Variants in BRWD3 observed in about 807,000 individuals in gnomAD.
BRWD3 encodes the protein bromodomain and WD repeat-containing protein 3.
BRWD3 carries 10 observed loss-of-function variants against 149.7 expected under a neutral mutation model. That is an observed-to-expected ratio of 0.07 (90% CI 0.04 to 0.11). The LOEUF is 0.11. Among genes scored for constraint, BRWD3 ranks in the 10% least tolerant of loss-of-function variants. The probability of loss-of-function intolerance (pLI) is 1.00; values close to 1 mark genes in which losing one functional copy is unlikely to be tolerated. For synonymous variants in BRWD3, 504 were observed against 456.7 expected (o/e 1.10, Z -1.32); for missense variants, 940 against 1,373.2 (o/e 0.68, Z 4.99).
chrX:80,729,817 A>C, intron 13 of BRWD3, 99 bp downstream of exon 13: 1 of 623,964 alleles, frequency 1.6e-6, no homozygotes, highest in Non-Finnish European at 2.6e-6. Context: ...AATTAACTTC[A>C]AACTATTTAT....
chrX:80,755,512 T>C (rs1345290555), intron 6 of BRWD3, among the ~76,000 whole-genome samples: 1 of 111,839 alleles, frequency 8.9e-6, no homozygotes, highest in Non-Finnish European at 1.9e-5. Context: ...TACTTGAAAC[T>C]GATATACACC....
At position 80,760,576 on chromosome X, in the gene BRWD3, C is replaced by T. The variant is rs767722492; in HGVS notation, c.431-14847G>A. ...GTCTAATGTGCACTGGAATATTATT[C>T]ACATATTTAAATTGCTTTGCTTCAA... On this transcript the variant is annotated intron_variant, in intron 6 of 40. Coordinates refer to ENST00000373275, the MANE Select transcript of BRWD3 (RefSeq NM_153252.5). 1.4e-4 allele frequency among the ~76,000 whole-genome samples: 16 copies of T among 111,624 alleles called. 1 individual carries two copies. In the East Asian group the frequency reaches 1.7e-3, roughly 12 times the overall value.
chrX:80,761,107 A>G (rs780880886), intron 6 of BRWD3, among the ~76,000 whole-genome samples: 3 of 111,462 alleles, frequency 2.7e-5, no homozygotes, highest in South Asian at 7.5e-4. Context: ...TAAACCAAAG[A>G]AAAAAAAGAC....
intron 33 of BRWD3, 65 bp downstream of exon 33, chrX:80,689,703 C>T: frequency 1.0e-6 from 1 of 972,627 alleles, no homozygotes; most frequent in Non-Finnish European, 1.5e-6. Context: ...AACATTTACA[C>T]ATAATACTGT....
chrX:80,785,992 G>A (rs1220721361), intron 6 of BRWD3, among the ~76,000 whole-genome samples: 4 of 111,943 alleles, frequency 3.6e-5, no homozygotes, highest in Non-Finnish European at 3.8e-5. Context: ...TAGTGCCACT[G>A]CACTCCAGCC....
chrX:80,683,895 G>A (rs1317130034), intron 37 of BRWD3, 115 bp downstream of exon 37: 6 of 702,286 alleles, frequency 8.5e-6, no homozygotes, highest in African/African-American at 2.2e-5. Flanking sequence ...ACTGCTAAAT[G>A]TATCTTTATG....
chrX:80,685,389 G>T, intron 36 of BRWD3, 73 bp downstream of exon 36: 1 of 922,701 alleles, frequency 1.1e-6, no homozygotes, highest in Non-Finnish European at 1.6e-6. Flanking sequence ...CAAACTATAA[G>T]ATTCATGTAC....
intron 17 of BRWD3, among the ~76,000 whole-genome samples, chrX:80,721,315 C>A (rs147941911): frequency 9.5e-4 from 106 of 111,850 alleles, no homozygotes; most frequent in African/African-American, 3.3e-3. Flanking sequence ...TTATTCATTT[C>A]TTTTCAAGTT....
At position 80,704,721 on chromosome X, in the gene BRWD3, G is replaced by C; in HGVS notation, c.2678C>G (p.Ser893Cys). 1 of 1,210,991 alleles carries C rather than the reference G, an allele frequency of 8.3e-7. No homozygotes were observed. The highest frequency in any genetic ancestry group is 2.3e-4 in the Middle Eastern group (1 of 4,351). Residue 893 changes from serine to cysteine, a missense_variant, in exon 23 of 41, where the codon TCC (serine) becomes TGC (cysteine). Ser to Cys is a moderately radical substitution (Grantham distance 112). Coordinates refer to ENST00000373275, the MANE Select transcript of BRWD3 (RefSeq NM_153252.5). ...AGGTTTCTTCTGCCTTTCTTCTAGG[G>C]ACTTCAAATTTTCCTCATCAGAGCT... Reference protein sequence around the residue: ...CSSSDEENLKSLEERQKKPKQ... With the variant: ...CSSSDEENLKCLEERQKKPKQ...
At chrX:80,758,876 C>G (rs2073773148) in intron 6 of BRWD3, among the ~76,000 whole-genome samples, 1 of 111,906 alleles carries the variant, frequency 8.9e-6, no homozygotes, top group African/African-American at 3.2e-5. Flanking sequence ...CTTAAGTTTT[C>G]TTTTGACATG....
chrX:80,712,098 C>T (rs906023714), intron 20 of BRWD3, among the ~76,000 whole-genome samples: 2 of 111,677 alleles, frequency 1.8e-5, no homozygotes, highest in Non-Finnish European at 3.8e-5. Flanking sequence ...TCCAACCCCC[C>T]ACCTCTGAAA....
intron 6 of BRWD3, among the ~76,000 whole-genome samples, chrX:80,749,656 G>A (rs147979636): frequency 0.026 from 2,884 of 110,385 alleles, 45 homozygotes; most frequent in Non-Finnish European, 0.038. Flanking sequence ...TGTCAAAAAT[G>A]TCCATTCTAC....
chrX:80,717,541 AT>A (rs1569258818), intron 19 of BRWD3, 31 bp downstream of exon 19: 2 of 1,175,400 alleles, frequency 1.7e-6, no homozygotes, highest in Admixed American at 2.2e-5. Context: ...AAAGCTTTAA[AT>A]TTTTTTCTAA....
Position 80,691,093 on chromosome X carries a change from G to A in BRWD3, c.3562C>T (p.Leu1188Phe). The change falls in exon 31 of 41, where the codon CTC (leucine) becomes TTC (phenylalanine). Residue 1188 changes from leucine (L) to phenylalanine (F), a missense_variant. Leu to Phe is a conservative substitution (Grantham distance 22). Coordinates refer to ENST00000373275, the MANE Select transcript of BRWD3 (RefSeq NM_153252.5). The part of the protein sequence containing the change: ...YCTVVAYPTD[L>F]NTIRRRLENR... ...TCAAGTCTCCGCCTGATGGTATTGA[G>A]GTCAGTTGGATAAGCAACTACAGTA... 3.3e-6 allele frequency: 4 copies of A among 1,209,447 alleles called. No homozygotes were observed. The highest frequency in any genetic ancestry group is 1.8e-5 in the South Asian group (1 of 56,872).
At chrX:80,696,134 A>G (rs1787216445) in intron 26 of BRWD3, 144 bp from the exon 27 acceptor site, 5 of 499,711 alleles carry the variant, frequency 1.0e-5, no homozygotes, top group Non-Finnish European at 1.7e-5. Flanking sequence ...TTACTTAAAC[A>G]TCACCTTCTC....
intron 6 of BRWD3, among the ~76,000 whole-genome samples, chrX:80,751,040 A>T (rs1350661227): frequency 8.1e-5 from 9 of 111,356 alleles, no homozygotes; most frequent in African/African-American, 2.9e-4. Context: ...TGTAGAAGCT[A>T]AAAAAGTTGA....
Position 80,767,232 on chromosome X carries a change from G to A in BRWD3, c.431-21503C>T, listed in dbSNP as rs12010369. Among the ~76,000 whole-genome samples the A allele has an allele frequency of 7.3e-3, 823 of 112,321 alleles. 8 individuals carry two copies. Among genetic ancestry groups the A allele is most frequent in the African/African-American group, 0.025 (763 of 30,950 alleles). On this transcript the variant is annotated intron_variant, in intron 6 of 40. Transcript: ENST00000373275. ...GCACGGCGTTTGAGCACAAAGAACC[G>A]ACAAACTGCCTCCTCAAGAGGTTCC...
In BRWD3 at chrX:80,809,659, A is replaced by G. The variant is rs1159816898; in HGVS notation, c.-188T>C. 2.4e-6 allele frequency: 1 copy of G among 425,316 alleles called. No homozygotes were observed. The highest frequency in any genetic ancestry group is 2.6e-5 in the African/African-American group (1 of 38,350). 35.1% of individuals were successfully genotyped at this position (425,316 alleles called of 1,213,427 possible). A position where few individuals can be genotyped will look rare whatever the true frequency, so the allele number is the denominator to read the frequency against. On this transcript the variant is annotated 5_prime_UTR_variant, in exon 1 of 41. Transcript: ENST00000373275. ...TTCGACCCATAGATATTCTAGCCCAAGAGCTGAGGAGGCGGAGGAGGAAGG... is the reference window on the plus strand; with the variant it reads ...TTCGACCCATAGATATTCTAGCCCAGGAGCTGAGGAGGCGGAGGAGGAAGG...
At chrX:80,772,800 G>A (rs1036044934) in intron 6 of BRWD3, among the ~76,000 whole-genome samples, 88 of 111,496 alleles carry the variant, frequency 7.9e-4, no homozygotes, top group Non-Finnish European at 8.1e-4. Flanking sequence ...AATGTTCATA[G>A]CAGCTTTATT....
Sources: allele counts gnomAD v4.1 joint callset (sites outside exome capture counted in the v4.1 genomes callset), GRCh38; gene constraint gnomAD v4.1.1; transcripts MANE v1.5; gene names NCBI Gene and HGNC (gene_info 2026-07-23, HGNC 2026-07-21).